Variants in MYBPC3 observed in about 807,000 individuals in gnomAD.
MYBPC3 encodes the protein myosin binding protein C3, also known as myosin-binding protein C, cardiac-type.
In MYBPC3, 108 loss-of-function variants were observed where a neutral mutation model predicts 159.3. The ratio of observed to expected loss-of-function variants is 0.68; its 90% CI spans 0.58 to 0.80. The LOEUF (loss-of-function observed/expected upper bound fraction) is 0.80, where lower values mean the gene tolerates loss of function less well. Among genes scored for constraint, MYBPC3 ranks in the 30% least tolerant of loss-of-function variants. MYBPC3 has a pLI of 0.00. For synonymous variants in MYBPC3, 730 were observed against 702.0 expected (o/e 1.04, Z -0.63); for missense variants, 1,631 against 1,762.1 (o/e 0.93, Z 1.33).
At position 47,348,414 on chromosome 11, in the gene MYBPC3, G is replaced by A. The variant is rs375525278; in HGVS notation, c.772+10C>T. On this transcript the variant is annotated intron_variant, in intron 6 of 34. Coordinates refer to ENST00000545968, the MANE Select transcript of MYBPC3 (RefSeq NM_000256.3). Reference sequence around the variant, plus strand: ...GCCCGAGCCCAGGACAGACACCAGGGCCCCCTCACCGTGGACAGTGAGATT... The same window carrying A: ...GCCCGAGCCCAGGACAGACACCAGGACCCCCTCACCGTGGACAGTGAGATT... 3.9e-5 allele frequency: 62 copies of A among 1,593,988 alleles called. No homozygotes were observed. In the African/African-American group the frequency reaches 7.6e-4, roughly 20 times the overall value.
rs1280288997 is a variant in MYBPC3 at position 47,338,282 on chromosome 11, C to T, written c.2308+238G>A. Among the ~76,000 whole-genome samples the T allele has an allele frequency of 6.6e-6, 1 of 152,206 alleles. No homozygotes were observed. The highest frequency in any genetic ancestry group is 1.5e-5 in the Non-Finnish European group (1 of 68,036). ...CACAGGGATGGCTCTCTGCTCAGTG[C>T]TCCCACGGCACTCTGGACATGGCTC... On this transcript the variant is annotated intron_variant, in intron 23 of 34. Coordinates refer to ENST00000545968, the MANE Select transcript of MYBPC3 (RefSeq NM_000256.3). This position sits in a 1 kb window ranked among gnomAD's most constrained non-coding sequence, Gnocchi z 4.7.
At position 47,335,039 on chromosome 11, in the gene MYBPC3, C is replaced by G. The variant is rs1060501483; in HGVS notation, c.2905+3G>C. Reference sequence around the variant, plus strand: ...TCTTGTGACTGCACAAAGGGGCACTCACGCAGGATCTCCTGCACTGTCACC... The same window carrying G: ...TCTTGTGACTGCACAAAGGGGCACTGACGCAGGATCTCCTGCACTGTCACC... On this transcript the variant is annotated splice_donor_region_variant and intron_variant, in intron 27 of 34. Transcript: ENST00000545968. The G allele has an allele frequency of 6.5e-7, 1 of 1,530,520 alleles. No homozygotes were observed. The highest frequency in any genetic ancestry group is 1.3e-5 in the South Asian group (1 of 77,986). 94.8% of individuals were successfully genotyped at this position (1,530,520 alleles called of 1,614,324 possible). A position where few individuals can be genotyped will look rare whatever the true frequency, so the allele number is the denominator to read the frequency against.
rs2095890070 is a variant in MYBPC3 at position 47,342,723 on chromosome 11, C to T, written c.1479G>A (p.Leu493=). The T allele has an allele frequency of 6.2e-7, 1 of 1,613,900 alleles. No individual in the cohort carries two copies. Among genetic ancestry groups the T allele is most frequent in the African/African-American group, 1.3e-5 (1 of 74,932 alleles). ...GGTATTTGAAGGTCTCCTCCCGGGT[C>T]AGCTCCACCCCGTCCTTCAGCCTAG... is the stretch of plus-strand genomic sequence containing the variant. The part of the protein sequence containing the change: ...QVKWLKDGVE[L]TREETFKYRF... Residue 493 remains leucine (L), a synonymous_variant, in exon 17 of 35, where the codon CTG becomes CTA. Coordinates refer to ENST00000545968, the MANE Select transcript of MYBPC3 (RefSeq NM_000256.3).
rs1008493919 is a variant in MYBPC3 at position 47,351,181 on chromosome 11, G to A, written c.292+58C>T. ...CTGTTCCCTGGATGGATGGAGAGTC[G>A]CTGGGCTGCCCCTCCCCCAGCAGCC... On this transcript the variant is annotated intron_variant, in intron 2 of 34. Transcript: ENST00000545968. The surrounding 1 kb of genome is among the most constrained non-coding windows in gnomAD (Gnocchi z 4.2). The A allele has an allele frequency of 2.4e-5, 35 of 1,447,542 alleles. No individual in the cohort carries two copies. The highest frequency in any genetic ancestry group is 4.3e-5 in the South Asian group (3 of 69,586). The allele number at this position is 1,447,542 out of a possible 1,614,324, so 89.7% of individuals were successfully genotyped here.
rs754338175 is a variant in MYBPC3, at chr11:47,337,644, AT to A, written c.2413+45del. ...GCATCCCCACACCACCTTCCCTCGG[AT>A]CTGTTTGGCGCCCTCACACCTCCAT... is the stretch of plus-strand genomic sequence containing the variant. On this transcript the variant is annotated intron_variant, in intron 24 of 34. Transcript: ENST00000545968. 5.0e-6 allele frequency: 8 copies of A among 1,608,790 alleles called. No homozygotes were observed. In the East Asian group the frequency reaches 1.8e-4, roughly 36 times the overall value.
At chr11:47,347,788 C>A (rs977172036) in intron 7 of MYBPC3, 69 bp downstream of exon 7, 1 of 1,546,708 alleles carries the variant, frequency 6.5e-7, no homozygotes, top group Non-Finnish European at 8.7e-7. Context: ...CCCTGACCCC[C>A]AGTCGAGACC....
intron 13 of MYBPC3, 53 bp from the exon 14 acceptor site, chr11:47,343,315 G>C: frequency 3.3e-6 from 5 of 1,519,880 alleles, no homozygotes; most frequent in Non-Finnish European, 4.4e-6. Flanking sequence ...AAGTGAGCCC[G>C]AGACAAAAGG....
Position 47,332,352 on chromosome 11 carries a change from G to T in MYBPC3, c.3628-94C>A. ...AGACACATCTGTGTTTCTACTCGGG[G>T]GGTCCCACGAGAGTCCCTGACTATG... On this transcript the variant is annotated intron_variant, in intron 32 of 34. Transcript: ENST00000545968. This position sits in a 1 kb window ranked among gnomAD's most constrained non-coding sequence, Gnocchi z 4.2. 1 of 1,493,272 alleles carries T rather than the reference G, an allele frequency of 6.7e-7. No homozygotes were observed. 92.5% of individuals were successfully genotyped at this position (1,493,272 alleles called of 1,614,324 possible).
At position 47,333,648 on chromosome 11, in the gene MYBPC3, C is replaced by A. The variant is rs1595841830; in HGVS notation, c.3099G>T (p.Arg1033=). ...NSPTDTILFI[R]AARRVHSGTY... ...TGCCTGAATGCACGCGGCGAGCGGCCCGGATGAACAGGATGGTGTCTGTGG... is the reference window on the plus strand; with the variant it reads ...TGCCTGAATGCACGCGGCGAGCGGCACGGATGAACAGGATGGTGTCTGTGG... The change falls in exon 29 of 35, where the codon CGG becomes CGT. Residue 1033 remains arginine (R), a synonymous_variant. Transcript: ENST00000545968. 6.2e-7 allele frequency: 1 copy of A among 1,609,784 alleles called. No individual in the cohort carries two copies. Among genetic ancestry groups the A allele is most frequent in the Non-Finnish European group, 8.5e-7 (1 of 1,179,838 alleles).
At position 47,338,401 on chromosome 11, in the gene MYBPC3, G is replaced by T; in HGVS notation, c.2308+119C>A. The T allele has an allele frequency of 7.0e-7, 1 of 1,428,546 alleles. No homozygotes were observed. The highest frequency in any genetic ancestry group is 9.5e-7 in the Non-Finnish European group (1 of 1,054,504). 88.5% of individuals were successfully genotyped at this position (1,428,546 alleles called of 1,614,324 possible). A position where few individuals can be genotyped will look rare whatever the true frequency, so the allele number is the denominator to read the frequency against. ...TTTGGGCAGAAAAACCTGTCCTGTTGCCGCTCGGCTCAGGGAGCATGCCCG... is the reference window on the plus strand; with the variant it reads ...TTTGGGCAGAAAAACCTGTCCTGTTTCCGCTCGGCTCAGGGAGCATGCCCG... On this transcript the variant is annotated intron_variant, in intron 23 of 34. Transcript: ENST00000545968. The surrounding 1 kb of genome is among the most constrained non-coding windows in gnomAD (Gnocchi z 4.7).
At chr11:47,337,631 C>G in intron 24 of MYBPC3, 52 bp from the exon 25 acceptor site, 1 of 1,611,500 alleles carries the variant, frequency 6.2e-7, no homozygotes, top group Non-Finnish European at 8.5e-7. Context: ...ATCCCCACAC[C>G]ACCTTCCCTC....
chr11:47,337,866 T>TC (rs2095884126), intron 23 of MYBPC3, 72 bp from the exon 24 acceptor site: 7 of 1,348,720 alleles, frequency 5.2e-6, no homozygotes, highest in Non-Finnish European at 7.2e-6. Flanking sequence ...CTCGTCCCCT[T>TC]CCCACTCCAA....
rs1487292619 is a variant in MYBPC3, at chr11:47,332,523, C to G, written c.3627+43G>C. 3 of 1,583,816 alleles carry G rather than the reference C, an allele frequency of 1.9e-6. No individual in the cohort carries two copies. In the South Asian group the frequency reaches 3.4e-5, roughly 18 times the overall value. The stretch of plus-strand genomic sequence containing the variant: ...CTGCTCAACGTCGGGGCCTGTGAGC[C>G]CTGCCTCCTGGTCGGCCTGGACCAG... On this transcript the variant is annotated intron_variant, in intron 32 of 34. Transcript: ENST00000545968. The surrounding 1 kb of genome is among the most constrained non-coding windows in gnomAD (Gnocchi z 4.2).
At position 47,350,129 on chromosome 11, in the gene MYBPC3, T is replaced by C; in HGVS notation, c.407-17A>G. ...AGCTTGACCCTGTGAGCAAAGGCTTTTTCTGTTTGTTTGAGATGGAGTCTT... is the reference window on the plus strand; with the variant it reads ...AGCTTGACCCTGTGAGCAAAGGCTTCTTCTGTTTGTTTGAGATGGAGTCTT... On this transcript the variant is annotated splice_polypyrimidine_tract_variant and intron_variant, in intron 3 of 34. Coordinates refer to ENST00000545968, the MANE Select transcript of MYBPC3 (RefSeq NM_000256.3). 6.5e-7 allele frequency: 1 copy of C among 1,549,336 alleles called. No homozygotes were observed. Among genetic ancestry groups the C allele is most frequent in the Non-Finnish European group, 8.7e-7 (1 of 1,145,774 alleles).
rs758229677 is a variant in MYBPC3 at position 47,333,260 on chromosome 11, T to C, written c.3264A>G (p.Pro1088=). The C allele has an allele frequency of 2.8e-5, 44 of 1,586,658 alleles. No individual in the cohort carries two copies. Among genetic ancestry groups the C allele is most frequent in the Non-Finnish European group, 3.7e-5 (43 of 1,166,136 alleles). The change falls in exon 30 of 35, where the codon CCA becomes CCG. Residue 1088 remains proline, a synonymous_variant. Transcript: ENST00000545968. ...GCTCCGTGTTGCCGACATCCTGGGGTGGCTTCCACTCCAGAGCCACATTAA... is the reference window on the plus strand; with the variant it reads ...GCTCCGTGTTGCCGACATCCTGGGGCGGCTTCCACTCCAGAGCCACATTAA... ...WGLNVALEWK[P]PQDVGNTELW... is the part of the protein sequence containing the mutation.
Position 47,346,924 on chromosome 11 carries a change from C to G in MYBPC3, c.908+103G>C, listed in dbSNP as rs2095894909. On this transcript the variant is annotated intron_variant, in intron 10 of 34. Transcript: ENST00000545968. The surrounding 1 kb of genome is among the most constrained non-coding windows in gnomAD (Gnocchi z 5.3). ...ACCCCTGTCCGTGGGGAGCCGCACC[C>G]TGCTCTGAGTCTCTCACCACAGCCT... The G allele has an allele frequency of 2.6e-6, 2 of 755,730 alleles. No individual in the cohort carries two copies. Among genetic ancestry groups the G allele is most frequent in the East Asian group, 4.9e-5 (2 of 40,434 alleles). 46.8% of individuals were successfully genotyped at this position (755,730 alleles called of 1,614,324 possible).
At position 47,333,233 on chromosome 11, in the gene MYBPC3, G is replaced by A; in HGVS notation, c.3291C>T (p.Leu1097=). ...KPPQDVGNTE[L]WGYTVQKADK... is the part of the protein sequence containing the mutation. ...CGGCTTTCTGCACTGTGTACCCCCA[G>A]AGCTCCGTGTTGCCGACATCCTGGG... The change falls in exon 30 of 35, where the codon CTC becomes CTT. Residue 1097 remains leucine, a synonymous_variant. Coordinates refer to ENST00000545968, the MANE Select transcript of MYBPC3 (RefSeq NM_000256.3). 1 of 1,594,874 alleles carries A rather than the reference G, an allele frequency of 6.3e-7. No individual in the cohort carries two copies. The highest frequency in any genetic ancestry group is 8.5e-7 in the Non-Finnish European group (1 of 1,170,272).
At position 47,332,806 on chromosome 11, in the gene MYBPC3, TACAGC is replaced by T. The variant is rs770013817; in HGVS notation, c.3490+3_3490+7del. On this transcript the variant is annotated splice_donor_5th_base_variant and intron_variant, in intron 31 of 34. Transcript: ENST00000545968. This position sits in a 1 kb window ranked among gnomAD's most constrained non-coding sequence, Gnocchi z 4.2. ...CAGCCCCTGGTTGGAAGAATGAGGG[TACAGC>T]ACCTGGTCTGGGGATAAAGACGGGC... 6.2e-7 allele frequency: 1 copy of T among 1,602,384 alleles called. No homozygotes were observed.
At position 47,347,235 on chromosome 11, in the gene MYBPC3, C is replaced by A. The variant is rs950237793; in HGVS notation, c.905+191G>T. ...GCCGTGGGGGACACTGTGAGGATGA[C>A]TGTTGACGGGACATAATGTCTGCAG... On this transcript the variant is annotated intron_variant, in intron 9 of 34. Transcript: ENST00000545968. 1.7e-5 allele frequency: 17 copies of A among 985,224 alleles called. No homozygotes were observed. The African/African-American group carries it at 2.8e-4, about 16-fold the overall frequency. The allele number at this position is 985,224 out of a possible 1,614,324, so 61.0% of individuals were successfully genotyped here.
Sources: allele counts gnomAD v4.1 joint callset (sites outside exome capture counted in the v4.1 genomes callset), GRCh38; gene constraint gnomAD v4.1.1; non-coding constraint Gnocchi (gnomAD v3.1); transcripts MANE v1.5; gene names NCBI Gene and HGNC (gene_info 2026-07-23, HGNC 2026-07-21).